The following TNRC6B variants were observed in gnomAD, a reference collection of about 807,000 sequenced individuals.
TNRC6B encodes the protein trinucleotide repeat-containing gene 6B protein.
In TNRC6B, 52 loss-of-function variants were observed where a neutral mutation model predicts 203.6. That is an observed-to-expected ratio of 0.26 (90% confidence interval 0.20 to 0.32). The LOEUF is 0.32. Ranked by LOEUF, TNRC6B falls within the 10% of genes least tolerant of loss-of-function variation. TNRC6B has a pLI of 1.00. For synonymous variants in TNRC6B, 838 were observed against 845.7 expected (o/e 0.99, Z 0.16); for missense variants, 1,923 against 2,286.2 (o/e 0.84, Z 3.24).
In TNRC6B at chr22:40,266,289, A is replaced by G; in HGVS notation, c.2059A>G (p.Thr687Ala). The G allele has an allele frequency of 1.3e-6, 2 of 1,592,196 alleles. No individual in the cohort carries two copies. The highest frequency in any genetic ancestry group is 8.6e-7 in the Non-Finnish European group (1 of 1,168,928). ...KSGWGELSAS[T>A]EWKDPKNTGG... The stretch of plus-strand genomic sequence containing the variant: ...TGGATGGGGGGAGCTCTCAGCCTCT[A>G]CAGAGTGGAAAGACCCCAAGAACAC... Residue 687 changes from threonine to alanine, a missense_variant, in exon 5 of 23, where the codon ACA (threonine) becomes GCA (alanine). Coordinates refer to ENST00000454349, the MANE Select transcript of TNRC6B (RefSeq NM_001162501.2).
chr22:40,254,912 G>A (rs1482855074), intron 3 of TNRC6B, among the ~76,000 whole-genome samples: 2 of 151,994 alleles, frequency 1.3e-5, no homozygotes, highest in Admixed American at 1.3e-4. Context: ...AAACAAACCT[G>A]CATTAATAGA....
At chr22:40,275,003 C>T (rs1024631659) in intron 7 of TNRC6B, among the ~76,000 whole-genome samples, 3 of 152,208 alleles carry the variant, frequency 2.0e-5, no homozygotes, top group East Asian at 3.9e-4. Flanking sequence ...TATTCTCCCA[C>T]GTTTCAAATA....
intron 3 of TNRC6B, among the ~76,000 whole-genome samples, chr22:40,153,087 C>A (rs1317430214): frequency 1.3e-5 from 2 of 151,866 alleles, no homozygotes; most frequent in Non-Finnish European, 2.9e-5. Flanking sequence ...GGCAACAGAA[C>A]GAGACTCCAT....
chr22:40,049,891 A>G (rs2067730941), intron 1 of TNRC6B, among the ~76,000 whole-genome samples: 1 of 152,216 alleles, frequency 6.6e-6, no homozygotes, highest in Admixed American at 6.5e-5. Context: ...GGCATGAGCC[A>G]CCGCGCCCGG....
chr22:40,262,321 G>T, intron 4 of TNRC6B, 148 bp downstream of exon 4: 1 of 706,698 alleles, frequency 1.4e-6, no homozygotes, highest in Non-Finnish European at 2.0e-6. Flanking sequence ...AGTATGCGAT[G>T]TGTATTGGTG....
At chr22:40,169,919 A>G (rs1013806687) in intron 4 of TNRC6B, among the ~76,000 whole-genome samples, 2 of 152,120 alleles carry the variant, frequency 1.3e-5, no homozygotes, top group African/African-American at 4.8e-5. Flanking sequence ...ATTTTTCATA[A>G]TTCTCCTTCT....
chr22:40,235,917 A>G lies in TNRC6B; in HGVS notation c.6-10098A>G, dbSNP rs118038547. ...TGATTTAAAGTAGGAGTCCTTGACA[A>G]AATTTCAAACAGGAGACCAAAAGAT... is the stretch of plus-strand genomic sequence containing the variant. On this transcript the variant is annotated intron_variant, in intron 1 of 22. Coordinates refer to ENST00000454349, the MANE Select transcript of TNRC6B (RefSeq NM_001162501.2). 4.7e-4 allele frequency among the ~76,000 whole-genome samples: 71 copies of G among 152,338 alleles called. No homozygotes were observed. In the East Asian group the frequency reaches 0.012, roughly 26 times the overall value.
intron 1 of TNRC6B, among the ~76,000 whole-genome samples, chr22:40,099,254 GA>G (rs60507984): frequency 0.11 from 12,826 of 121,348 alleles, 1,759 homozygotes; most frequent in African/African-American, 0.33. Flanking sequence ...ACTCTGTCTC[GA>G]AAAAAAAAAA....
At chr22:40,079,266 C>G (rs1433610239) in intron 1 of TNRC6B, among the ~76,000 whole-genome samples, 1 of 152,066 alleles carries the variant, frequency 6.6e-6, no homozygotes, top group Non-Finnish European at 1.5e-5. Flanking sequence ...CTCCCTCATC[C>G]TGGAAGCTCT....
intron 1 of TNRC6B, among the ~76,000 whole-genome samples, chr22:40,096,207 A>C (rs1200896777): frequency 1.3e-5 from 2 of 152,222 alleles, no homozygotes; most frequent in Non-Finnish European, 2.9e-5. Context: ...ATCTTTAGCC[A>C]CAGGGAACTC....
chr22:40,191,077 T>C (rs1489142412), intron 1 of TNRC6B, among the ~76,000 whole-genome samples: 1 of 152,098 alleles, frequency 6.6e-6, no homozygotes, highest in Non-Finnish European at 1.5e-5. Flanking sequence ...AGGAAGGGAA[T>C]GGGAAAGTCT....
intron 3 of TNRC6B, chr22:40,253,732 G>A (rs1211495788): frequency 2.2e-6 from 1 of 455,968 alleles, no homozygotes; most frequent in Non-Finnish European, 4.4e-6. Context: ...AACAGAGGGA[G>A]GGCCTGACCT....
intron 1 of TNRC6B, among the ~76,000 whole-genome samples, chr22:40,058,492 G>A (rs756067453): frequency 6.7e-6 from 1 of 149,402 alleles, no homozygotes; most frequent in African/African-American, 2.6e-5. Context: ...GGCCAGAGCC[G>A]GGACTCAACC....
chr22:40,060,263 C>T (rs2067838932), intron 1 of TNRC6B, among the ~76,000 whole-genome samples: 2 of 149,984 alleles, frequency 1.3e-5, no homozygotes, highest in South Asian at 4.2e-4. Context: ...CTCTGTTGCC[C>T]AGGCTAAAGT....
intron 12 of TNRC6B, among the ~76,000 whole-genome samples, chr22:40,298,266 T>A (rs1029765343): frequency 1.3e-5 from 2 of 152,202 alleles, no homozygotes; most frequent in Non-Finnish European, 1.5e-5. Context: ...AGTGTGTGAA[T>A]CAGGAGTTAC....
chr22:40,208,696 T>C (rs1601885276), intron 1 of TNRC6B, among the ~76,000 whole-genome samples: 1 of 152,158 alleles, frequency 6.6e-6, no homozygotes, highest in African/African-American at 2.4e-5. Context: ...GAGTGGAGGG[T>C]ATATAAAAGT....
At chr22:40,115,833 T>C (rs981454686) in intron 1 of TNRC6B, among the ~76,000 whole-genome samples, 1 of 152,036 alleles carries the variant, frequency 6.6e-6, no homozygotes, top group Non-Finnish European at 1.5e-5. Context: ...GGAGAGGCCT[T>C]GGATTTTACC....
chr22:40,260,694 A>C (rs1176233254), intron 3 of TNRC6B, among the ~76,000 whole-genome samples: 2 of 152,196 alleles, frequency 1.3e-5, no homozygotes, highest in Admixed American at 6.5e-5. Context: ...AACCTTTCCC[A>C]AGGACTTTGC....
chr22:40,055,339 C>CA (rs1012464164), intron 1 of TNRC6B, among the ~76,000 whole-genome samples: 3 of 152,144 alleles, frequency 2.0e-5, no homozygotes, highest in Non-Finnish European at 2.9e-5. Flanking sequence ...GACACTCACA[C>CA]TAAGTTGTGG....
Sources: gnomAD v4.1 joint callset for allele counts (sites outside exome capture counted in the v4.1 genomes callset) on GRCh38, gnomAD v4.1.1 for gene constraint, MANE v1.5 for transcripts, NCBI Gene and HGNC (gene_info 2026-07-23, HGNC 2026-07-21) for gene names.